RSBN1L: variants seen among roughly 807,000 people sequenced by gnomAD.
The protein encoded by RSBN1L is round spermatid basic protein 1 like, also known as lysine-specific demethylase RSBN1L.
RSBN1L carries 30 observed loss-of-function variants against 67.7 expected under a neutral mutation model. The ratio of observed to expected loss-of-function variants is 0.44; its 90% CI spans 0.33 to 0.60. RSBN1L has a LOEUF of 0.60. Ranked by LOEUF, RSBN1L falls within the 20% of genes least tolerant of loss-of-function variation. The pLI is 0.02. For synonymous variants in RSBN1L, 433 were observed against 387.0 expected (o/e 1.12, Z -1.39); for missense variants, 992 against 1,031.7 (o/e 0.96, Z 0.53).
chr7:77,702,566 G>A (rs1437118262), intron 1 of RSBN1L, among the ~76,000 whole-genome samples: 3 of 151,966 alleles, frequency 2.0e-5, no homozygotes, highest in Non-Finnish European at 4.4e-5. Flanking sequence ...CTGGGTGGTG[G>A]GCAAGAAGGC....
chr7:77,770,299 T>C (rs1164566304), intron 5 of RSBN1L, among the ~76,000 whole-genome samples: 1 of 152,088 alleles, frequency 6.6e-6, no homozygotes. Flanking sequence ...TGCTTGAGCC[T>C]GGGAGATAGA....
At position 77,736,431 on chromosome 7, in the gene RSBN1L, AAG is replaced by A; in HGVS notation, c.616_617del (p.Asp206GlnfsTer11). The A allele has an allele frequency of 9.1e-7, 1 of 1,101,560 alleles. No homozygotes were observed. Among genetic ancestry groups the A allele is most frequent in the Non-Finnish European group, 1.3e-6 (1 of 788,808 alleles). The allele number at this position is 1,101,560 out of a possible 1,614,324, so 68.2% of individuals were successfully genotyped here. ...CCAGATAAAATCAAAGACAAAATTA[AAG>A]AGAGAGACAAAGAAAAAGAAAGAGA... On this transcript the variant is annotated frameshift_variant, in exon 2 of 8. Transcript: ENST00000334955. LOFTEE classifies it high-confidence loss of function.
chr7:77,701,320 T>C (rs1230441773), intron 1 of RSBN1L, among the ~76,000 whole-genome samples: 2 of 152,158 alleles, frequency 1.3e-5, no homozygotes, highest in African/African-American at 2.4e-5. Flanking sequence ...CTTTAACTTT[T>C]GTTGAATTTT....
intron 2 of RSBN1L, among the ~76,000 whole-genome samples, chr7:77,747,451 T>A (rs1791499553): frequency 2.0e-5 from 3 of 152,246 alleles, no homozygotes; most frequent in African/African-American, 7.2e-5. Flanking sequence ...CTGCACAGCC[T>A]CAGGATACTG....
chr7:77,742,585 C>A (rs527924113), intron 2 of RSBN1L, among the ~76,000 whole-genome samples: 1 of 152,252 alleles, frequency 6.6e-6, no homozygotes, highest in Non-Finnish European at 1.5e-5. Context: ...CACCTGTAAT[C>A]CCAGCACTTT....
intron 1 of RSBN1L, among the ~76,000 whole-genome samples, chr7:77,705,526 T>C (rs1790880198): frequency 1.3e-5 from 2 of 149,074 alleles, no homozygotes; most frequent in Admixed American, 6.7e-5. Flanking sequence ...TTTTTTTTTT[T>C]TTTGTGATGG....
chr7:77,759,168 C>G (rs1238240690), intron 3 of RSBN1L, among the ~76,000 whole-genome samples: 1 of 152,192 alleles, frequency 6.6e-6, no homozygotes, highest in Non-Finnish European at 1.5e-5. Flanking sequence ...CTGTGTTAGG[C>G]TACTAAAAGC....
At chr7:77,762,655 A>G (rs1205916489) in intron 3 of RSBN1L, among the ~76,000 whole-genome samples, 1 of 152,144 alleles carries the variant, frequency 6.6e-6, no homozygotes, top group South Asian at 2.1e-4. Context: ...TGTGTCTGTA[A>G]TATTACCACC....
intron 3 of RSBN1L, among the ~76,000 whole-genome samples, chr7:77,755,533 G>A (rs1005607015): frequency 6.6e-6 from 1 of 152,054 alleles, no homozygotes; most frequent in Non-Finnish European, 1.5e-5. Context: ...GGGCATGGTG[G>A]TGGGCACCTG....
rs189238055 is a variant in RSBN1L, at chr7:77,741,552, C to T, written c.703+5026C>T. Among the ~76,000 whole-genome samples the T allele has an allele frequency of 7.9e-3, 1,193 of 151,590 alleles. 18 individuals are homozygous for T. The highest frequency in any genetic ancestry group is 0.028 in the African/African-American group (1,150 of 41,366). On this transcript the variant is annotated intron_variant, in intron 2 of 7. Transcript: ENST00000334955. ...TAAAAATACAAAAAAATTAGCTGGG[C>T]GTGGTGGCAGGCACCTGTAGTCCCA...
chr7:77,732,898 G>C (rs1791289081), intron 1 of RSBN1L, among the ~76,000 whole-genome samples: 1 of 152,192 alleles, frequency 6.6e-6, no homozygotes, highest in South Asian at 2.1e-4. Context: ...CTAGGTTGTA[G>C]AGCATAATCT....
intron 1 of RSBN1L, among the ~76,000 whole-genome samples, chr7:77,716,637 T>TA (rs1791052902): frequency 7.0e-6 from 1 of 143,292 alleles, no homozygotes; most frequent in South Asian, 2.3e-4. Flanking sequence ...TTTTTTTTTT[T>TA]TTTTTTTTTT....
chr7:77,756,519 G>A lies in RSBN1L; in HGVS notation c.1344+6455G>A, dbSNP rs188977869. ...TAGCTGGGTGTGGTGGCTCATGCCT[G>A]TAATCCCAGCACTTTGGGAGGCTGA... On this transcript the variant is annotated intron_variant, in intron 3 of 7. Coordinates refer to ENST00000334955, the MANE Select transcript of RSBN1L (RefSeq NM_198467.3). 2.6e-5 allele frequency among the ~76,000 whole-genome samples: 4 copies of A among 152,244 alleles called. No individual in the cohort carries two copies. In the East Asian group the frequency reaches 7.8e-4, roughly 30 times the overall value.
chr7:77,711,039 C>T (rs1303186921), intron 1 of RSBN1L, among the ~76,000 whole-genome samples: 2 of 152,128 alleles, frequency 1.3e-5, no homozygotes, highest in Non-Finnish European at 2.9e-5. Flanking sequence ...TATATTTCAG[C>T]CCTTTTTGCC....
At chr7:77,705,462 A>G (rs1790878454) in intron 1 of RSBN1L, among the ~76,000 whole-genome samples, 1 of 150,196 alleles carries the variant, frequency 6.7e-6, no homozygotes, top group South Asian at 2.1e-4. Context: ...AATGATGCTA[A>G]ATTTGATTAC....
intron 3 of RSBN1L, among the ~76,000 whole-genome samples, chr7:77,761,786 G>T (rs1167298578): frequency 6.6e-6 from 1 of 152,112 alleles, no homozygotes; most frequent in Non-Finnish European, 1.5e-5. Flanking sequence ...TGTATGAAAT[G>T]ATATATAGTT....
chr7:77,770,209 A>G (rs1791828299), intron 5 of RSBN1L, among the ~76,000 whole-genome samples: 1 of 152,102 alleles, frequency 6.6e-6, no homozygotes, highest in South Asian at 2.1e-4. Context: ...CCCCGTCTCT[A>G]CTAAAAATAG....
At chr7:77,774,487 C>T (rs1304762309) in intron 6 of RSBN1L, among the ~76,000 whole-genome samples, 3 of 152,008 alleles carry the variant, frequency 2.0e-5, no homozygotes, top group Admixed American at 6.6e-5. Context: ...CCAGCACTTT[C>T]GGAGGCTGAG....
intron 6 of RSBN1L, among the ~76,000 whole-genome samples, chr7:77,776,419 C>T (rs940725101): frequency 2.6e-5 from 4 of 152,204 alleles, no homozygotes; most frequent in Non-Finnish European, 4.4e-5. Context: ...CATCACCTCC[C>T]CAATTCTCCA....
Sources: gnomAD v4.1 joint callset for allele counts (sites outside exome capture counted in the v4.1 genomes callset) on GRCh38, gnomAD v4.1.1 for gene constraint, MANE v1.5 for transcripts, NCBI Gene and HGNC (gene_info 2026-07-23, HGNC 2026-07-21) for gene names.